The following KLHL38 variants were observed in gnomAD, a reference collection of about 807,000 sequenced individuals.
KLHL38 encodes the protein kelch-like protein 38.
A neutral mutation model predicts 39.6 loss-of-function variants in KLHL38; 38 were observed. That is an observed-to-expected ratio of 0.96 (90% CI 0.74 to 1.26). KLHL38 has a LOEUF of 1.26. Ranked by LOEUF, KLHL38 falls within the 50% of genes most tolerant of loss-of-function variation. The pLI is 0.00. For missense variants in KLHL38, 803 were observed against 748.1 expected (o/e 1.07, Z -0.86); for synonymous variants, 322 against 302.2 (o/e 1.07, Z -0.68).
In KLHL38 at chr8:123,645,177, G is replaced by A. The variant is rs1818636628; in HGVS notation, c.*562C>T. ...AGACAGGCCAGGCGTGGTGGCTCAC[G>A]CCTGTAATCTCAGCATTTGGGAGGC... On this transcript the variant is annotated 3_prime_UTR_variant, in exon 4 of 4. Coordinates refer to ENST00000684634, the MANE Select transcript of KLHL38 (RefSeq NM_001081675.3). Among the ~76,000 whole-genome samples, 1 of 152,060 alleles carries A rather than the reference G, an allele frequency of 6.6e-6. No individual in the cohort carries two copies. The highest frequency in any genetic ancestry group is 2.4e-5 in the African/African-American group (1 of 41,390).
intron 1 of KLHL38, 74 bp from the exon 2 acceptor site, chr8:123,653,001 A>G (rs903531438): frequency 1.0e-5 from 15 of 1,442,190 alleles, no homozygotes; most frequent in Non-Finnish European, 1.3e-5. Context: ...TGGAGGGTTC[A>G]GCTGTGGGGA....
At position 123,652,468 on chromosome 8, in the gene KLHL38, C is replaced by T. The variant is rs144002487; in HGVS notation, c.459G>A (p.Lys153=). The change falls in exon 2 of 4, where the codon AAG becomes AAA. Residue 153 remains lysine, a synonymous_variant. Coordinates refer to ENST00000684634, the MANE Select transcript of KLHL38 (RefSeq NM_001081675.3). ...SEILSCETLK[K]KAREVALTSF... is the part of the protein sequence containing the mutation. ...ACGTCAGTGCCACCTCCCTGGCTTT[C>T]TTCTTGAGGGTCTCGCAGCTTAAGA... 9.4e-4 allele frequency: 1,522 copies of T among 1,614,200 alleles called. 17 individuals are homozygous for T. The African/African-American group carries it at 0.018, about 19-fold the overall frequency.
At position 123,645,745 on chromosome 8, in the gene KLHL38, G is replaced by A. The variant is rs1446991430; in HGVS notation, c.1740C>T (p.Leu580=). 1 of 1,612,898 alleles carries A rather than the reference G, an allele frequency of 6.2e-7. No homozygotes were observed. Among genetic ancestry groups the A allele is most frequent in the East Asian group, 2.2e-5 (1 of 44,830 alleles). Residue 580 remains leucine, a synonymous_variant, in exon 4 of 4, where the codon CTC becomes CTT. Coordinates refer to ENST00000684634, the MANE Select transcript of KLHL38 (RefSeq NM_001081675.3). ...TLQCIPRTSG[L]P Reference sequence around the variant, plus strand: ...AGAAGGTTTCTTGTCGACCTCATGGGAGGCCAGACGTGCGGGGTATGCACT... The same window carrying A: ...AGAAGGTTTCTTGTCGACCTCATGGAAGGCCAGACGTGCGGGGTATGCACT...
At chr8:123,649,075 C>T (rs767181257) in intron 2 of KLHL38, among the ~76,000 whole-genome samples, 5 of 152,202 alleles carry the variant, frequency 3.3e-5, no homozygotes, top group South Asian at 2.1e-4. Context: ...GGCTTGGCAA[C>T]ATCTTGTTTG....
chr8:123,648,711 T>C (rs1013568995), intron 2 of KLHL38, among the ~76,000 whole-genome samples: 25 of 152,190 alleles, frequency 1.6e-4, no homozygotes, highest in African/African-American at 5.3e-4. Context: ...TATTTTGTTA[T>C]GGTAAAGGAT....
At position 123,645,704 on chromosome 8, in the gene KLHL38, G is replaced by C. The variant is rs1437867543; in HGVS notation, c.*35C>G. The C allele has an allele frequency of 6.2e-7, 1 of 1,603,194 alleles. No individual in the cohort carries two copies. The highest frequency in any genetic ancestry group is 8.5e-7 in the Non-Finnish European group (1 of 1,172,570). On this transcript the variant is annotated 3_prime_UTR_variant, in exon 4 of 4. Coordinates refer to ENST00000684634, the MANE Select transcript of KLHL38 (RefSeq NM_001081675.3). ...GGGTTTGTGTCCCTGGCGACAGAAG[G>C]CATTTTGACTAGGGCAGAAGGTTTC...
intron 2 of KLHL38, 72 bp downstream of exon 2, chr8:123,651,505 T>C (rs754138888): frequency 6.8e-7 from 1 of 1,467,702 alleles, no homozygotes; most frequent in Middle Eastern, 1.8e-4. Flanking sequence ...TGCATGTGTG[T>C]GCAAGCAGGT....
At chr8:123,646,414 G>T (rs1428034369) in intron 3 of KLHL38, among the ~76,000 whole-genome samples, 1 of 152,138 alleles carries the variant, frequency 6.6e-6, no homozygotes, top group Non-Finnish European at 1.5e-5. Context: ...GTTACTTTTA[G>T]GATCCTCGTT....
At chr8:123,648,195 T>C (rs1192308380) in intron 2 of KLHL38, among the ~76,000 whole-genome samples, 1 of 152,246 alleles carries the variant, frequency 6.6e-6, no homozygotes, top group Non-Finnish European at 1.5e-5. Flanking sequence ...TTCTTCCATC[T>C]TTCAGTTTAG....
rs1273415041 is a variant in KLHL38, at chr8:123,644,673, G to A, written c.*1066C>T. Among the ~76,000 whole-genome samples the A allele has an allele frequency of 2.0e-5, 3 of 152,150 alleles. 1 individual carries two copies. The highest frequency in any genetic ancestry group is 1.3e-4 in the Admixed American group (2 of 15,282). On this transcript the variant is annotated 3_prime_UTR_variant, in exon 4 of 4. Coordinates refer to ENST00000684634, the MANE Select transcript of KLHL38 (RefSeq NM_001081675.3). ...TTCAGTGGTGTCCTGGGCAGATGTG[G>A]TTTTTGTCTGGATTTCTCTCTTTGG...
intron 1 of KLHL38, among the ~76,000 whole-genome samples, 68 bp downstream of exon 1, chr8:123,653,518 A>G (rs1249517221): frequency 6.6e-6 from 1 of 152,220 alleles, no homozygotes; most frequent in Admixed American, 6.5e-5. Flanking sequence ...AGACCAAACA[A>G]TCCCCTGGTT....
In KLHL38 at chr8:123,645,983, A is replaced by G. The variant is rs372016775; in HGVS notation, c.1502T>C (p.Phe501Ser). 41 of 1,614,042 alleles carry G rather than the reference A, an allele frequency of 2.5e-5. No individual in the cohort carries two copies. The highest frequency in any genetic ancestry group is 3.2e-5 in the Non-Finnish European group (38 of 1,180,006). The change falls in exon 4 of 4, where the codon TTT (phenylalanine) becomes TCT (serine). Residue 501 changes from phenylalanine to serine, a missense_variant. By Grantham distance (155) the Phe-to-Ser change is radical (BLOSUM62 -2). Transcript: ENST00000684634. ...ILAYDPQSNKFVKCADMKDRR... is the reference protein window; with the variant it reads ...ILAYDPQSNKSVKCADMKDRR... ...GTCTTTCATGTCCGCACATTTGACAAATTTGTTGGATTGAGGGTCATAAGC... is the reference window on the plus strand; with the variant it reads ...GTCTTTCATGTCCGCACATTTGACAGATTTGTTGGATTGAGGGTCATAAGC...
chr8:123,652,742 A>T lies in KLHL38; in HGVS notation c.185T>A (p.Met62Lys). The T allele has an allele frequency of 6.2e-7, 1 of 1,614,216 alleles. No individual in the cohort carries two copies. The highest frequency in any genetic ancestry group is 1.1e-5 in the South Asian group (1 of 91,088). Reference protein sequence around the residue: ...LASSSPYFRAMFCSSFREKSE... With the variant: ...LASSSPYFRAKFCSSFREKSE... ...CTTCTCCCGGAAGCTGCTGCAGAAC[A>T]TAGCCCTGAAGTAGGGGCTGCTGGA... Residue 62 changes from methionine (M) to lysine (K), a missense_variant, in exon 2 of 4, where the codon ATG becomes AAG. Met to Lys is a moderately conservative substitution (Grantham distance 95, BLOSUM62 -1). Transcript: ENST00000684634.
chr8:123,647,710 A>G (rs1007273268), intron 2 of KLHL38, among the ~76,000 whole-genome samples: 19 of 152,240 alleles, frequency 1.2e-4, no homozygotes, highest in Non-Finnish European at 2.4e-4. Flanking sequence ...TCATATAAGC[A>G]AAGAAGGAAC....
rs981390279 is a variant in KLHL38, at chr8:123,645,717, G to C, written c.*22C>G. 1.9e-6 allele frequency: 3 copies of C among 1,610,506 alleles called. No homozygotes were observed. Among genetic ancestry groups the C allele is most frequent in the Admixed American group, 1.7e-5 (1 of 59,952 alleles). On this transcript the variant is annotated 3_prime_UTR_variant, in exon 4 of 4. Coordinates refer to ENST00000684634, the MANE Select transcript of KLHL38 (RefSeq NM_001081675.3). Reference sequence around the variant, plus strand: ...TGGCGACAGAAGGCATTTTGACTAGGGCAGAAGGTTTCTTGTCGACCTCAT... The same window carrying C: ...TGGCGACAGAAGGCATTTTGACTAGCGCAGAAGGTTTCTTGTCGACCTCAT...
rs1163597252 is a variant in KLHL38, at chr8:123,651,568, G to A, written c.1350+9C>T. ...TGCAGTTACGTGATGGGAAGAACCGGCCATTTACCTGGATAAGGCGCACAG... is the reference window on the plus strand; with the variant it reads ...TGCAGTTACGTGATGGGAAGAACCGACCATTTACCTGGATAAGGCGCACAG... On this transcript the variant is annotated intron_variant, in intron 2 of 3. Transcript: ENST00000684634. The A allele has an allele frequency of 1.9e-6, 3 of 1,549,700 alleles. No homozygotes were observed. The highest frequency in any genetic ancestry group is 1.4e-5 in the African/African-American group (1 of 73,386).
rs56194946 is a variant in KLHL38, at chr8:123,645,035, T to TGAGAGAGAGA, written c.*694_*703dup. On this transcript the variant is annotated 3_prime_UTR_variant, in exon 4 of 4. Transcript: ENST00000684634. ...AGAGAGAGGAAGACAGAGGGGAGAC[T>TGAGAGAGAGA]GAGAGAGAGAGAGAGAGAGAGGGGC... 0.016 allele frequency among the ~76,000 whole-genome samples: 2,291 copies of TGAGAGAGAGA among 143,466 alleles called. 26 individuals carry two copies. The highest frequency in any genetic ancestry group is 0.033 in the African/African-American group (1,286 of 38,988). 94.1% of individuals were successfully genotyped at this position (143,466 alleles called of 152,430 possible).
Position 123,644,533 on chromosome 8 carries a change from T to C in KLHL38, c.*1206A>G, listed in dbSNP as rs1354825593. ...TGTGCATATATCTCTGGAATTTCAA[T>C]GTACTACATCCATAGAATGCAGAAA... On this transcript the variant is annotated 3_prime_UTR_variant, in exon 4 of 4. Transcript: ENST00000684634. 6.6e-6 allele frequency among the ~76,000 whole-genome samples: 1 copy of C among 152,226 alleles called. No individual in the cohort carries two copies. Among genetic ancestry groups the C allele is most frequent in the Non-Finnish European group, 1.5e-5 (1 of 68,034 alleles).
At chr8:123,646,355 A>G (rs1021722994) in intron 3 of KLHL38, among the ~76,000 whole-genome samples, 1 of 152,166 alleles carries the variant, frequency 6.6e-6, no homozygotes, top group Non-Finnish European at 1.5e-5. Context: ...AACTATGACA[A>G]TCCTTTGGAA....
Sources: allele counts gnomAD v4.1 joint callset (sites outside exome capture counted in the v4.1 genomes callset), GRCh38; gene constraint gnomAD v4.1.1; transcripts MANE v1.5; gene names NCBI Gene and HGNC (gene_info 2026-07-23, HGNC 2026-07-21).